SEPTIN2: variants seen among roughly 807,000 people sequenced by gnomAD.
SEPTIN2 encodes the protein septin 2, also known as septin-2.
SEPTIN2 carries 34 observed loss-of-function variants against 46.5 expected under a neutral mutation model. That is an observed-to-expected ratio of 0.73 (90% CI 0.56 to 0.97). The LOEUF (loss-of-function observed/expected upper bound fraction) is 0.97. Ranked by LOEUF, SEPTIN2 falls within the 50% of genes least tolerant of loss-of-function variation. The probability of loss-of-function intolerance (pLI) is 0.00; values close to 1 mark genes in which losing one functional copy is unlikely to be tolerated. For synonymous variants in SEPTIN2, 175 were observed against 153.4 expected (o/e 1.14, Z -1.04); for missense variants, 347 against 448.4 (o/e 0.77, Z 2.04).
At chr2:241,316,596 C>T in intron 1 of SEPTIN2, 2 of 1,394,656 alleles carry the variant, frequency 1.4e-6, no homozygotes, top group South Asian at 2.9e-5. Context: ...GGGTTGGAGG[C>T]CGCCGAGTTG....
intron 11 of SEPTIN2, among the ~76,000 whole-genome samples, chr2:241,349,769 C>T (rs374583385): frequency 3.9e-5 from 6 of 152,000 alleles, no homozygotes; most frequent in South Asian, 2.1e-4. Context: ...AGCAGTGAGC[C>T]GAGATTGCGC....
chr2:241,325,837 G>C (rs750057697), intron 2 of SEPTIN2, 156 bp from the exon 3 acceptor site: 243 of 582,576 alleles, frequency 4.2e-4, no homozygotes, highest in Non-Finnish European at 6.4e-4. Context: ...AATACTACTG[G>C]TTTTCTGATA....
chr2:241,316,718 A>G, intron 1 of SEPTIN2: 1 of 471,584 alleles, frequency 2.1e-6, no homozygotes, highest in Non-Finnish European at 3.8e-6. Flanking sequence ...TTTTCGGTCT[A>G]ATTCTTGTCA....
At position 241,353,382 on chromosome 2, in the gene SEPTIN2, C is replaced by T. The variant is rs992193903; in HGVS notation, c.*1445C>T. On this transcript the variant is annotated 3_prime_UTR_variant, in exon 13 of 13. Transcript: ENST00000391971. ...TTCTACTGAAGTTGGGAAATTCAACCCCAGAAATTGACAGATGAAAGGAGA... is the reference window on the plus strand; with the variant it reads ...TTCTACTGAAGTTGGGAAATTCAACTCCAGAAATTGACAGATGAAAGGAGA... The T allele has an allele frequency of 2.6e-5, 4 of 152,024 alleles. No homozygotes were observed. Among genetic ancestry groups the T allele is most frequent in the African/African-American group, 9.7e-5 (4 of 41,378 alleles). 9.4% of individuals were successfully genotyped at this position (152,024 alleles called of 1,614,324 possible).
At chr2:241,347,462 A>G (rs2060360779) in intron 10 of SEPTIN2, among the ~76,000 whole-genome samples, 1 of 152,222 alleles carries the variant, frequency 6.6e-6, no homozygotes, top group Non-Finnish European at 1.5e-5. Context: ...TGCAGAGCAC[A>G]GTTCTCAGGT....
intron 7 of SEPTIN2, among the ~76,000 whole-genome samples, chr2:241,341,204 G>T (rs750702145): frequency 6.6e-6 from 1 of 152,014 alleles, no homozygotes; most frequent in Non-Finnish European, 1.5e-5. Context: ...GCCCTTCCAG[G>T]TATCTTATTT....
intron 1 of SEPTIN2, among the ~76,000 whole-genome samples, chr2:241,317,901 C>T (rs1004956718): frequency 6.6e-6 from 1 of 152,068 alleles, no homozygotes; most frequent in Non-Finnish European, 1.5e-5. Context: ...GTGGAATAAA[C>T]ACGATCTGAA....
At chr2:241,318,553 AT>A (rs1050640134) in intron 1 of SEPTIN2, among the ~76,000 whole-genome samples, 1 of 152,130 alleles carries the variant, frequency 6.6e-6, no homozygotes, top group African/African-American at 2.4e-5. Context: ...ACTTGTTTGG[AT>A]TTTTAAAAAT....
In SEPTIN2 at chr2:241,337,530, T is replaced by C; in HGVS notation, c.476+14T>C. The C allele has an allele frequency of 1.2e-6, 2 of 1,612,820 alleles. No homozygotes were observed. Among genetic ancestry groups the C allele is most frequent in the Non-Finnish European group, 1.7e-6 (2 of 1,179,158 alleles). ...TTTTGGACATGGGTAAGTAATTGTT[T>C]ATCGTGGAGAAATGCTTTACTACAT... On this transcript the variant is annotated intron_variant, in intron 6 of 12. Transcript: ENST00000391971.
intron 10 of SEPTIN2, 119 bp from the exon 11 acceptor site, chr2:241,348,015 A>G (rs2060424638): frequency 2.6e-6 from 2 of 762,150 alleles, no homozygotes; most frequent in African/African-American, 3.6e-5. Context: ...ACACCATCTC[A>G]ATATAAAAAG....
chr2:241,323,696 G>C (rs915598421), intron 1 of SEPTIN2, among the ~76,000 whole-genome samples: 9 of 152,208 alleles, frequency 5.9e-5, no homozygotes, highest in African/African-American at 1.7e-4. Context: ...TTTAAGTACA[G>C]AGTGTAAGCG....
intron 5 of SEPTIN2, chr2:241,336,845 C>T: frequency 5.9e-6 from 1 of 170,300 alleles, no homozygotes. Context: ...CCTGTAATCC[C>T]AGCACTTTGG....
intron 7 of SEPTIN2, among the ~76,000 whole-genome samples, chr2:241,338,965 ATAAATAT>A (rs2080833379): frequency 1.2e-5 from 1 of 85,414 alleles, no homozygotes; most frequent in Non-Finnish European, 2.3e-5. Context: ...AATATATATT[ATAAATAT>A]AATATATAAA....
chr2:241,316,423 C>A, intron 1 of SEPTIN2: 2 of 1,168,426 alleles, frequency 1.7e-6, no homozygotes, highest in Non-Finnish European at 2.3e-6. Flanking sequence ...CTCCCTGAGG[C>A]GTGGAGGACT....
Position 241,326,129 on chromosome 2 carries a change from A to G in SEPTIN2, c.130+16A>G, listed in dbSNP as rs368764549. ...ATGGTGGTCGGTAAGAAATTAATCTATAGTCTCCAACTTACTAAATAAATA... is the reference window on the plus strand; with the variant it reads ...ATGGTGGTCGGTAAGAAATTAATCTGTAGTCTCCAACTTACTAAATAAATA... On this transcript the variant is annotated intron_variant, in intron 3 of 12. Coordinates refer to ENST00000391971, the MANE Select transcript of SEPTIN2 (RefSeq NM_004404.5). 9.3e-6 allele frequency: 15 copies of G among 1,608,948 alleles called. No individual in the cohort carries two copies. Among genetic ancestry groups the G allele is most frequent in the Admixed American group, 3.4e-5 (2 of 59,290 alleles).
At chr2:241,335,399 T>C in intron 4 of SEPTIN2, 187 bp downstream of exon 4, 1 of 1,503,348 alleles carries the variant, frequency 6.7e-7, no homozygotes, top group Non-Finnish European at 9.1e-7. Flanking sequence ...TAGACTTTCT[T>C]TGACACGTAT....
chr2:241,335,439 T>C, intron 4 of SEPTIN2: 2 of 1,186,270 alleles, frequency 1.7e-6, no homozygotes. Flanking sequence ...TGAGTTTGTC[T>C]GTAAAATGTA....
chr2:241,325,604 A>C (rs2077830784), intron 2 of SEPTIN2, among the ~76,000 whole-genome samples: 1 of 152,214 alleles, frequency 6.6e-6, no homozygotes, highest in Non-Finnish European at 1.5e-5. Context: ...CATTCAAAGT[A>C]CTGTCAGCTG....
intron 1 of SEPTIN2, chr2:241,316,573 G>C (rs765808349): frequency 5.2e-5 from 79 of 1,505,404 alleles, no homozygotes; most frequent in Non-Finnish European, 6.6e-5. Flanking sequence ...CAGGCAGCAG[G>C]GGGTAGGGTA....
Sources: allele counts gnomAD v4.1 joint callset (sites outside exome capture counted in the v4.1 genomes callset), GRCh38; gene constraint gnomAD v4.1.1; transcripts MANE v1.5; gene names NCBI Gene and HGNC (gene_info 2026-07-23, HGNC 2026-07-21).